The following PARD3B variants were observed in gnomAD, a reference collection of about 807,000 sequenced individuals.
The protein encoded by PARD3B is partitioning defective 3 homolog B.
In PARD3B, 103 loss-of-function variants were observed where a neutral mutation model predicts 130.2. The observed-to-expected ratio is 0.79, with a 90% CI of 0.67 to 0.93. The LOEUF (loss-of-function observed/expected upper bound fraction) is 0.93, where lower values mean the gene tolerates loss of function less well. Ranked by LOEUF, PARD3B falls within the 40% of genes least tolerant of loss-of-function variation. The probability of loss-of-function intolerance (pLI) is 0.00; values close to 1 mark genes in which losing one functional copy is unlikely to be tolerated. For synonymous variants in PARD3B, 583 were observed against 553.2 expected (o/e 1.05, Z -0.76); for missense variants, 1,609 against 1,499.2 (o/e 1.07, Z -1.21).
At chr2:204,586,297 A>G (rs962122631) in intron 1 of PARD3B, among the ~76,000 whole-genome samples, 3 of 152,178 alleles carry the variant, frequency 2.0e-5, no homozygotes, top group African/African-American at 7.2e-5. Context: ...GGTGTTTTCA[A>G]CAGCATGTTC....
intron 20 of PARD3B, among the ~76,000 whole-genome samples, chr2:205,442,797 A>T (rs2047766568): frequency 6.6e-6 from 1 of 152,216 alleles, no homozygotes; most frequent in South Asian, 2.1e-4. Flanking sequence ...ACCAGAAAAT[A>T]AGTTTCTTAT....
Position 204,959,363 on chromosome 2 carries a change from T to G in PARD3B, c.223-5789T>G, listed in dbSNP as rs543661829. Among the ~76,000 whole-genome samples, 10 of 152,364 alleles carry G rather than the reference T, an allele frequency of 6.6e-5. No individual in the cohort carries two copies. The South Asian group carries it at 1.2e-3, about 19-fold the overall frequency. ...ATTGTGTATATGTGCCACATTTTCTTTATCCAGTCTATCATTGAAGGGCAT... is the reference window on the plus strand; with the variant it reads ...ATTGTGTATATGTGCCACATTTTCTGTATCCAGTCTATCATTGAAGGGCAT... On this transcript the variant is annotated intron_variant, in intron 2 of 22. Coordinates refer to ENST00000406610, the MANE Select transcript of PARD3B (RefSeq NM_001302769.2).
At chr2:204,738,683 C>A (rs1268851119) in intron 2 of PARD3B, among the ~76,000 whole-genome samples, 1 of 151,760 alleles carries the variant, frequency 6.6e-6, no homozygotes, top group Non-Finnish European at 1.5e-5. Flanking sequence ...CCTAGACAGG[C>A]AGGTCTGAGG....
intron 18 of PARD3B, among the ~76,000 whole-genome samples, chr2:205,326,785 C>T (rs2042952956): frequency 6.6e-6 from 1 of 151,992 alleles, no homozygotes; most frequent in Admixed American, 6.6e-5. Flanking sequence ...TCACATCCAC[C>T]CAGTTTGGAA....
intron 2 of PARD3B, among the ~76,000 whole-genome samples, chr2:204,720,663 T>A (rs1432608090): frequency 6.6e-6 from 1 of 152,160 alleles, no homozygotes; most frequent in Non-Finnish European, 1.5e-5. Context: ...CTACTTTTGA[T>A]CAGACAATGC....
At chr2:205,184,948 A>T (rs1170829960) in intron 13 of PARD3B, among the ~76,000 whole-genome samples, 1 of 152,166 alleles carries the variant, frequency 6.6e-6, no homozygotes, top group African/African-American at 2.4e-5. Context: ...AAAACCATGC[A>T]CTTTACCACG....
In PARD3B at chr2:204,706,234, G is replaced by A. The variant is rs189439037; in HGVS notation, c.222+19952G>A. On this transcript the variant is annotated intron_variant, in intron 2 of 22. Transcript: ENST00000406610. ...TACAAAAAATTAGCCGGGCATGGTG[G>A]CAGGTGCCTGTAGTCCCAGCCACTC... 1.3e-3 allele frequency among the ~76,000 whole-genome samples: 196 copies of A among 152,092 alleles called. 1 individual carries two copies. The highest frequency in any genetic ancestry group is 3.4e-3 in the Middle Eastern group (1 of 294).
chr2:205,506,365 A>G (rs1318198053), intron 21 of PARD3B, among the ~76,000 whole-genome samples: 1 of 152,098 alleles, frequency 6.6e-6, no homozygotes, highest in East Asian at 1.9e-4. Context: ...AAATTGTGCT[A>G]TATCTCTCTG....
intron 18 of PARD3B, among the ~76,000 whole-genome samples, chr2:205,375,872 G>A (rs1375419723): frequency 6.6e-6 from 1 of 152,128 alleles, no homozygotes; most frequent in Non-Finnish European, 1.5e-5. Flanking sequence ...ATGTTAAGAA[G>A]GAAGAGGCAG....
chr2:205,355,023 A>G (rs910022931), intron 18 of PARD3B, among the ~76,000 whole-genome samples: 1 of 152,300 alleles, frequency 6.6e-6, no homozygotes. Flanking sequence ...TTGGGAAGAT[A>G]CTTCTCAGAA....
chr2:204,982,364 C>A (rs1476398535), intron 3 of PARD3B, among the ~76,000 whole-genome samples: 2 of 152,178 alleles, frequency 1.3e-5, no homozygotes, highest in African/African-American at 4.8e-5. Context: ...CTCCAACTCA[C>A]AGACGACCAA....
In PARD3B at chr2:204,939,802, C is replaced by T. The variant is rs1319721765; in HGVS notation, c.223-25350C>T. Among the ~76,000 whole-genome samples, 4 of 152,164 alleles carry T rather than the reference C, an allele frequency of 2.6e-5. No individual in the cohort carries two copies. In the East Asian group the frequency reaches 7.7e-4, roughly 29 times the overall value. On this transcript the variant is annotated intron_variant, in intron 2 of 22. Transcript: ENST00000406610. ...AAAATATTTCTTTAGGGAAACCCTA[C>T]CACCTATCCCAAATGTATAATAGTC...
intron 1 of PARD3B, among the ~76,000 whole-genome samples, chr2:204,654,839 G>A (rs2035591632): frequency 6.6e-6 from 1 of 151,946 alleles, no homozygotes; most frequent in African/African-American, 2.4e-5. Flanking sequence ...TTTTGTTGGG[G>A]CAAGTTTATC....
At chr2:205,171,523 C>G (rs1416514018) in intron 11 of PARD3B, among the ~76,000 whole-genome samples, 3 of 152,154 alleles carry the variant, frequency 2.0e-5, no homozygotes, top group African/African-American at 7.2e-5. Context: ...GGTATTTCTT[C>G]CTGAAGATGC....
At chr2:204,736,653 A>G (rs1271515840) in intron 2 of PARD3B, among the ~76,000 whole-genome samples, 2 of 152,288 alleles carry the variant, frequency 1.3e-5, no homozygotes, top group East Asian at 3.9e-4. Flanking sequence ...GTGTATATGT[A>G]CCACATTTTC....
chr2:205,578,375 C>A (rs910074232), intron 22 of PARD3B, among the ~76,000 whole-genome samples: 2 of 152,102 alleles, frequency 1.3e-5, no homozygotes, highest in Non-Finnish European at 2.9e-5. Context: ...AACAAGATCC[C>A]CCCCAAAAAA....
chr2:205,411,921 C>T (rs1480296878), intron 19 of PARD3B, among the ~76,000 whole-genome samples: 3 of 152,114 alleles, frequency 2.0e-5, no homozygotes, highest in Admixed American at 2.0e-4. Flanking sequence ...GGGTGACTGC[C>T]AGCCTCTCCA....
intron 1 of PARD3B, among the ~76,000 whole-genome samples, chr2:204,608,901 A>G (rs935329367): frequency 1.3e-5 from 2 of 152,196 alleles, no homozygotes; most frequent in Non-Finnish European, 2.9e-5. Flanking sequence ...ATTTAAAACA[A>G]AAGTGTGGGC....
chr2:205,440,037 A>G lies in PARD3B; in HGVS notation c.2742-333A>G, dbSNP rs913342146. ...AAAGGCTTCTATAATATCGAACCAA[A>G]GATGCACTGTTCCCACAAGCACATG... On this transcript the variant is annotated intron_variant, in intron 19 of 22. Transcript: ENST00000406610. This position sits in a 1 kb window ranked among gnomAD's most constrained non-coding sequence, Gnocchi z 4.2. Among the ~76,000 whole-genome samples the G allele has an allele frequency of 1.3e-5, 2 of 152,180 alleles. No individual in the cohort carries two copies. Among genetic ancestry groups the G allele is most frequent in the Admixed American group, 1.3e-4 (2 of 15,272 alleles).
Sources: allele counts gnomAD v4.1 joint callset (sites outside exome capture counted in the v4.1 genomes callset), GRCh38; gene constraint gnomAD v4.1.1; non-coding constraint Gnocchi (gnomAD v3.1); transcripts MANE v1.5; gene names NCBI Gene and HGNC (gene_info 2026-07-23, HGNC 2026-07-21).